Variants in MORC1 observed in about 807,000 individuals in gnomAD.
MORC1 encodes MORC family CW-type zinc finger protein 1.
A neutral mutation model predicts 134.9 loss-of-function variants in MORC1; 59 were observed. The ratio of observed to expected loss-of-function variants is 0.44; its 90% CI spans 0.35 to 0.54. The LOEUF is 0.54. Ranked by LOEUF, MORC1 falls within the 20% of genes least tolerant of loss-of-function variation. The pLI, the probability that MORC1 is intolerant of heterozygous loss-of-function variation, is 0.00. For synonymous variants in MORC1, 395 were observed against 391.7 expected (o/e 1.01, Z -0.10); for missense variants, 947 against 1,134.5 (o/e 0.83, Z 2.37).
At position 108,971,322 on chromosome 3, in the gene MORC1, C is replaced by A; in HGVS notation, c.2550+8G>T. ...ATTCCCTCACAGTTCCAAAAAAAAC[C>A]AGCTTACCTCACAACTTAATGCAGG... is the stretch of plus-strand genomic sequence containing the variant. On this transcript the variant is annotated splice_region_variant and intron_variant, in intron 25 of 27. Transcript: ENST00000232603. 1 of 1,611,938 alleles carries A rather than the reference C, an allele frequency of 6.2e-7. No homozygotes were observed. Among genetic ancestry groups the A allele is most frequent in the South Asian group, 1.1e-5 (1 of 90,696 alleles).
intron 8 of MORC1, among the ~76,000 whole-genome samples, chr3:109,073,361 G>A (rs1228761135): frequency 6.6e-6 from 1 of 152,074 alleles, no homozygotes; most frequent in Non-Finnish European, 1.5e-5. Context: ...GCTGGAGTCT[G>A]GAAACGTGAG....
intron 8 of MORC1, among the ~76,000 whole-genome samples, chr3:109,077,981 C>T (rs945184761): frequency 2.0e-5 from 3 of 151,858 alleles, no homozygotes; most frequent in South Asian, 2.1e-4. Flanking sequence ...AAAAAAGAAA[C>T]GAAGTGGGGG....
At chr3:108,966,035 T>C (rs1310432069) in intron 26 of MORC1, among the ~76,000 whole-genome samples, 1 of 152,216 alleles carries the variant, frequency 6.6e-6, no homozygotes, top group Non-Finnish European at 1.5e-5. Context: ...CTATGAAAGG[T>C]AACACTTTTG....
intron 3 of MORC1, among the ~76,000 whole-genome samples, chr3:109,106,478 A>T (rs575109666): frequency 6.6e-6 from 1 of 152,304 alleles, no homozygotes; most frequent in Non-Finnish European, 1.5e-5. Context: ...TCAATTCCTT[A>T]AAACTATGAA....
intron 14 of MORC1, among the ~76,000 whole-genome samples, chr3:109,053,880 TAA>T (rs1370848925): frequency 1.3e-5 from 2 of 152,268 alleles, no homozygotes; most frequent in Admixed American, 6.5e-5. Flanking sequence ...ATTTTTCAGA[TAA>T]CTAAAGTTTA....
intron 8 of MORC1, among the ~76,000 whole-genome samples, chr3:109,085,745 A>G (rs1950604339): frequency 6.6e-6 from 1 of 152,118 alleles, no homozygotes; most frequent in South Asian, 2.1e-4. Flanking sequence ...TGATCCAGCA[A>G]TTCCATTACT....
At chr3:109,009,267 G>A (rs1432444740) in intron 17 of MORC1, among the ~76,000 whole-genome samples, 1 of 145,684 alleles carries the variant, frequency 6.9e-6, no homozygotes, top group South Asian at 2.2e-4. Context: ...GTGCAGTGGC[G>A]CAATCTCTGC....
At chr3:108,968,311 A>C (rs1947274491) in intron 26 of MORC1, among the ~76,000 whole-genome samples, 2 of 152,168 alleles carry the variant, frequency 1.3e-5, no homozygotes, top group Non-Finnish European at 1.5e-5. Context: ...CTCCCCTTTT[A>C]TTTCCAGTTG....
intron 21 of MORC1, among the ~76,000 whole-genome samples, chr3:108,999,271 A>G (rs1433418143): frequency 2.0e-5 from 3 of 152,170 alleles, no homozygotes; most frequent in Admixed American, 2.0e-4. Context: ...CCTTTTTAAC[A>G]TCCCTTCAAA....
intron 6 of MORC1, among the ~76,000 whole-genome samples, chr3:109,096,891 T>C (rs930887511): frequency 5.3e-5 from 8 of 151,354 alleles, no homozygotes; most frequent in Admixed American, 2.6e-4. Flanking sequence ...AAAGCAAAAA[T>C]ATAAAACTCA....
At chr3:109,083,737 C>G (rs766301772) in intron 8 of MORC1, among the ~76,000 whole-genome samples, 1 of 152,050 alleles carries the variant, frequency 6.6e-6, no homozygotes. Context: ...ATGTCACTGA[C>G]GAACACAGAT....
chr3:109,041,126 A>G (rs1330804879), intron 14 of MORC1, among the ~76,000 whole-genome samples: 2 of 151,748 alleles, frequency 1.3e-5, no homozygotes, highest in African/African-American at 4.8e-5. Context: ...CCTGGCCAAC[A>G]TGGTGAAACC....
intron 16 of MORC1, among the ~76,000 whole-genome samples, chr3:109,029,655 A>C (rs1049950130): frequency 1.3e-5 from 2 of 152,200 alleles, no homozygotes; most frequent in Admixed American, 6.6e-5. Context: ...AAAAATGTAT[A>C]GCCTCCCTCT....
At chr3:108,976,376 T>C (rs1947559679) in intron 24 of MORC1, among the ~76,000 whole-genome samples, 1 of 152,212 alleles carries the variant, frequency 6.6e-6, no homozygotes, top group Non-Finnish European at 1.5e-5. Context: ...TTATACTTTA[T>C]ACCCTTTACA....
intron 23 of MORC1, 50 bp from the exon 24 acceptor site, chr3:108,979,717 C>T (rs772864791): frequency 9.2e-5 from 147 of 1,590,760 alleles, no homozygotes; most frequent in Non-Finnish European, 8.3e-5. Flanking sequence ...TTAATAATTT[C>T]AGAAACACTA....
intron 11 of MORC1, among the ~76,000 whole-genome samples, chr3:109,060,833 C>CA (rs1379879550): frequency 6.6e-6 from 1 of 151,898 alleles, no homozygotes; most frequent in Non-Finnish European, 1.5e-5. Flanking sequence ...CAGCAGAAGG[C>CA]AAAAAGGAAG....
intron 21 of MORC1, among the ~76,000 whole-genome samples, chr3:108,998,114 G>A (rs532494037): frequency 5.3e-5 from 8 of 152,242 alleles, no homozygotes; most frequent in East Asian, 3.9e-4. Context: ...TTAGCTGGAC[G>A]CCTTTTAAAT....
chr3:109,099,498 C>A, intron 5 of MORC1, 32 bp from the exon 6 acceptor site: 1 of 1,507,730 alleles, frequency 6.6e-7, no homozygotes. Flanking sequence ...TCATGTTTTA[C>A]ACCTCAAATA....
chr3:109,109,667 C>G (rs925703604), intron 3 of MORC1: 1 of 152,218 alleles, frequency 6.6e-6, no homozygotes, highest in Admixed American at 6.5e-5. Flanking sequence ...TGCCTTCACT[C>G]ACTTTTCCCC....
Sources: gnomAD v4.1 joint callset for allele counts (sites outside exome capture counted in the v4.1 genomes callset) on GRCh38, gnomAD v4.1.1 for gene constraint, MANE v1.5 for transcripts, NCBI Gene and HGNC (gene_info 2026-07-23, HGNC 2026-07-21) for gene names.